SH3D19: variants seen among roughly 807,000 people sequenced by gnomAD.
SH3D19 encodes the protein SH3 domain containing 19, also known as SH3 domain-containing protein 19.
Under a neutral mutation model 112.1 loss-of-function variants are expected in SH3D19, and 58 were observed. The observed-to-expected ratio is 0.52, with a 90% confidence interval of 0.42 to 0.64. The LOEUF is 0.64. Ranked by LOEUF, SH3D19 falls within the 30% of genes least tolerant of loss-of-function variation. The pLI, the probability that SH3D19 is intolerant of heterozygous loss-of-function variation, is 0.00. For missense variants in SH3D19, 1,090 were observed against 1,263.4 expected, an observed-to-expected ratio of 0.86 and a Z score of 2.08; for synonymous variants, 391 against 448.5, an observed-to-expected ratio of 0.87 and a Z score of 1.62.
intron 1 of SH3D19, among the ~76,000 whole-genome samples, chr4:151,304,935 G>A (rs905442542): frequency 3.3e-5 from 5 of 152,106 alleles, no homozygotes; most frequent in African/African-American, 1.2e-4. Flanking sequence ...GCATAAGCTG[G>A]GAGGTTCTTT....
intron 1 of SH3D19, among the ~76,000 whole-genome samples, chr4:151,236,427 T>C (rs373230037): frequency 5.5e-4 from 83 of 152,214 alleles, no homozygotes; most frequent in Admixed American, 2.3e-3. Context: ...GCGAGGGCCA[T>C]TGAGAGGTGA....
At chr4:151,165,857 A>C (rs767622875) in intron 7 of SH3D19, 161 bp from the exon 8 acceptor site, 1 of 589,880 alleles carries the variant, frequency 1.7e-6, no homozygotes, top group Non-Finnish European at 3.0e-6. Flanking sequence ...GTTGGAGCTC[A>C]TAAAAGGAAA....
chr4:151,155,584 C>T (rs1755947680), intron 9 of SH3D19, among the ~76,000 whole-genome samples: 1 of 143,610 alleles, frequency 7.0e-6, no homozygotes, highest in Non-Finnish European at 1.5e-5. Flanking sequence ...GCCATATGGA[C>T]ATTTAAAAAA....
chr4:151,193,025 G>A (rs1344995719), intron 2 of SH3D19, among the ~76,000 whole-genome samples: 1 of 151,472 alleles, frequency 6.6e-6, no homozygotes, highest in East Asian at 1.9e-4. Context: ...GCTTCTCAAG[G>A]AGAAAGAATG....
intron 1 of SH3D19, among the ~76,000 whole-genome samples, chr4:151,255,242 C>A (rs1464298699): frequency 6.8e-6 from 1 of 147,720 alleles, no homozygotes; most frequent in Non-Finnish European, 1.5e-5. Context: ...GGGCGGCTGC[C>A]GGGCGGAGGG....
intron 2 of SH3D19, among the ~76,000 whole-genome samples, chr4:151,193,266 G>T (rs1313450854): frequency 6.9e-6 from 1 of 145,604 alleles, no homozygotes; most frequent in Non-Finnish European, 1.5e-5. Flanking sequence ...TTTAAAATAG[G>T]TTTGTTTTTT....
chr4:151,246,819 T>A (rs1770980536), intron 1 of SH3D19, among the ~76,000 whole-genome samples: 1 of 152,100 alleles, frequency 6.6e-6, no homozygotes, highest in South Asian at 2.1e-4. Flanking sequence ...AATGGATGGG[T>A]TCATTGTTTT....
intron 7 of SH3D19, chr4:151,166,027 A>G (rs1757955644): frequency 4.7e-6 from 1 of 214,232 alleles, no homozygotes; most frequent in Admixed American, 5.4e-5. Context: ...TGAGGAGACC[A>G]TCTTTCCCAC....
intron 1 of SH3D19, chr4:151,228,068 C>T (rs1769270857): frequency 1.0e-6 from 1 of 983,996 alleles, no homozygotes; most frequent in Non-Finnish European, 1.2e-6. Flanking sequence ...ACAGGAAATT[C>T]TACAGTCATT....
At chr4:151,253,740 CAAA>C (rs10593842) in intron 1 of SH3D19, among the ~76,000 whole-genome samples, 46 of 140,058 alleles carry the variant, frequency 3.3e-4, no homozygotes, top group South Asian at 1.4e-3. Context: ...GACTCCGTCT[CAAA>C]AAAAAAAAAA....
chr4:151,289,998 AGGTTGAAGTG>A (rs1775167569), intron 1 of SH3D19, among the ~76,000 whole-genome samples: 1 of 152,216 alleles, frequency 6.6e-6, no homozygotes. Flanking sequence ...TCTGTCACCC[AGGTTGAAGTG>A]CAGTGGTAGG....
At chr4:151,292,776 T>TAA (rs1212051368) in intron 1 of SH3D19, among the ~76,000 whole-genome samples, 41 of 152,166 alleles carry the variant, frequency 2.7e-4, no homozygotes, top group Middle Eastern at 3.4e-3. Flanking sequence ...GATCCTTTTA[T>TAA]AAAAAAAACT....
At chr4:151,199,814 TTATTTGTAAAATCTTACTTTAAAAAA>T (rs1447791300) in intron 2 of SH3D19, among the ~76,000 whole-genome samples, 1 of 152,242 alleles carries the variant, frequency 6.6e-6, no homozygotes, top group African/African-American at 2.4e-5. Flanking sequence ...AATCCCAATG[TTATTTGTAAAATCTTACTTTAAAAAA>T]TATATATTTA....
intron 1 of SH3D19, among the ~76,000 whole-genome samples, chr4:151,246,149 T>C (rs191561031): frequency 6.6e-6 from 1 of 152,130 alleles, no homozygotes; most frequent in East Asian, 1.9e-4. Flanking sequence ...TCAGATTAAA[T>C]AGCTAAAGTT....
At chr4:151,216,803 T>TG (rs955355674) in intron 2 of SH3D19, among the ~76,000 whole-genome samples, 11 of 152,188 alleles carry the variant, frequency 7.2e-5, no homozygotes, top group African/African-American at 2.6e-4. Flanking sequence ...ACCATATACA[T>TG]GCTTCATTTT....
At chr4:151,176,258 G>A (rs1447126769) in intron 6 of SH3D19, among the ~76,000 whole-genome samples, 2 of 152,094 alleles carry the variant, frequency 1.3e-5, no homozygotes, top group African/African-American at 2.4e-5. Context: ...GGGAATAAAG[G>A]GAATCAATGG....
intron 8 of SH3D19, among the ~76,000 whole-genome samples, chr4:151,161,144 A>G (rs1367116186): frequency 1.3e-5 from 2 of 152,134 alleles, no homozygotes; most frequent in East Asian, 1.9e-4. Context: ...TAAATAATGT[A>G]GTCAGGGAAG....
chr4:151,147,921 CCA>C lies in SH3D19; in HGVS notation c.2081_2082del (p.Met694ThrfsTer14). On this transcript the variant is annotated frameshift_variant and splice_region_variant, in exon 11 of 20. Transcript: ENST00000604030. LOFTEE classifies it high-confidence loss of function. ...CAAACATTTTTAAAAGCTAAATTTA[CCA>C]TGTATTTACTGTAGAGAGGGTGTCC... ...KPGHPLYSKY[M>X]RGDVLVMLKQ... The C allele has an allele frequency of 6.3e-7, 1 of 1,591,682 alleles. No homozygotes were observed. Among genetic ancestry groups the C allele is most frequent in the Non-Finnish European group, 8.5e-7 (1 of 1,171,112 alleles).
chr4:151,300,598 A>G (rs1455448857), intron 1 of SH3D19: 1 of 150,098 alleles, frequency 6.7e-6, no homozygotes, highest in East Asian at 1.9e-4. Flanking sequence ...AAATTCATCA[A>G]GCATTCCATT....
Sources: allele counts gnomAD v4.1 joint callset (sites outside exome capture counted in the v4.1 genomes callset), GRCh38; gene constraint gnomAD v4.1.1; transcripts MANE v1.5; gene names NCBI Gene and HGNC (gene_info 2026-07-23, HGNC 2026-07-21).